FBXL3: variants seen among roughly 807,000 people sequenced by gnomAD.
The protein encoded by FBXL3 is F-box and leucine rich repeat protein 3, also known as F-box/LRR-repeat protein 3.
A neutral mutation model predicts 37.9 loss-of-function variants in FBXL3; 14 were observed. The ratio of observed to expected loss-of-function variants is 0.37; its 90% CI spans 0.24 to 0.58. The LOEUF (loss-of-function observed/expected upper bound fraction) is 0.58, where lower values mean the gene tolerates loss of function less well. Ranked by LOEUF, FBXL3 falls within the 20% of genes least tolerant of loss-of-function variation. FBXL3 has a pLI of 0.74. For synonymous variants in FBXL3, 194 were observed against 180.1 expected, an observed-to-expected ratio of 1.08 and a Z score of -0.62; for missense variants, 327 against 511.1, an observed-to-expected ratio of 0.64 and a Z score of 3.47.
In FBXL3 at chr13:77,005,271, CTT is replaced by C. The variant is rs1394061157; in HGVS notation, c.*1872_*1873del. On this transcript the variant is annotated 3_prime_UTR_variant, in exon 5 of 5. Coordinates refer to ENST00000355619, the MANE Select transcript of FBXL3 (RefSeq NM_012158.4). ...AAGTAAAATACAACAGCATTAGTAA[CTT>C]TTTATTCTCAAAGTGATAAAAGCAT... The C allele has an allele frequency of 7.2e-5, 11 of 152,440 alleles. No individual in the cohort carries two copies. Among genetic ancestry groups the C allele is most frequent in the Admixed American group, 6.5e-4 (10 of 15,272 alleles). The allele number at this position is 152,440 out of a possible 1,614,324, so 9.4% of individuals were successfully genotyped here.
At chr13:77,017,532 T>A (rs1037176015) in intron 3 of FBXL3, 2 of 152,074 alleles carry the variant, frequency 1.3e-5, no homozygotes, top group Non-Finnish European at 2.9e-5. Flanking sequence ...TCACCCCGAA[T>A]TTGAAAAAGG....
chr13:77,007,542 T>C lies in FBXL3; in HGVS notation c.890A>G (p.Glu297Gly). ...GCGAAAGAAGGGGTCAAATTCTTCT[T>C]CATATAAAAAAAAATACATCACTAA... is the stretch of plus-strand genomic sequence containing the variant. ...VNLVMYFFLYEEEFDPFFRYE... is the reference protein window; with the variant it reads ...VNLVMYFFLYGEEFDPFFRYE... Residue 297 changes from glutamate (E) to glycine (G), a missense_variant, in exon 5 of 5, where the codon GAA becomes GGA. Coordinates refer to ENST00000355619, the MANE Select transcript of FBXL3 (RefSeq NM_012158.4). 1 of 1,614,066 alleles carries C rather than the reference T, an allele frequency of 6.2e-7. No homozygotes were observed. Among genetic ancestry groups the C allele is most frequent in the Non-Finnish European group, 8.5e-7 (1 of 1,180,000 alleles).
chr13:77,015,522 A>G lies in FBXL3; in HGVS notation c.530T>C (p.Leu177Pro). 6.2e-7 allele frequency: 1 copy of G among 1,606,700 alleles called. No homozygotes were observed. Among genetic ancestry groups the G allele is most frequent in the Non-Finnish European group, 8.5e-7 (1 of 1,176,386 alleles). Residue 177 changes from leucine to proline, a missense_variant, in exon 4 of 5, where the codon CTT becomes CCT. Coordinates refer to ENST00000355619, the MANE Select transcript of FBXL3 (RefSeq NM_012158.4). ...ATCTACTGGAGTATCATCTATCTTA[A>G]GCGAAGACAGGGATTTGGAGTTTAC... is the stretch of plus-strand genomic sequence containing the variant. The part of the protein sequence containing the change: ...VFVNSKSLSS[L>P]KIDDTPVDDP...
At chr13:77,018,762 ATT>A in intron 2 of FBXL3, 40 bp from the exon 3 acceptor site, 1 of 1,479,676 alleles carries the variant, frequency 6.8e-7, no homozygotes, top group Admixed American at 2.5e-5. Flanking sequence ...ATATTTTATT[ATT>A]TTTTTACTTT....
intron 4 of FBXL3, among the ~76,000 whole-genome samples, chr13:77,012,515 A>G (rs1056092035): frequency 1.3e-5 from 2 of 152,218 alleles, no homozygotes; most frequent in Non-Finnish European, 2.9e-5. Context: ...AAGTAACTAA[A>G]TGTTCATTAG....
intron 1 of FBXL3, 92 bp downstream of exon 1, chr13:77,026,733 ACC>A (rs1566234674): frequency 7.1e-4 from 4 of 5,598 alleles, no homozygotes; most frequent in South Asian, 5.1e-3. Context: ...GCCCCCCCCC[ACC>A]CCACCCCACC....
At chr13:77,014,618 T>C (rs1410051923) in intron 4 of FBXL3, 1 of 152,168 alleles carries the variant, frequency 6.6e-6, no homozygotes. Flanking sequence ...GGCTGACCTT[T>C]GGCAATGGCA....
intron 1 of FBXL3, among the ~76,000 whole-genome samples, chr13:77,025,970 C>A (rs950671241): frequency 6.6e-6 from 1 of 152,048 alleles, no homozygotes; most frequent in African/African-American, 2.4e-5. Context: ...GCTTAGAGAG[C>A]GCACAGTGGC....
At chr13:77,022,380 AG>A (rs1380234504) in intron 1 of FBXL3, among the ~76,000 whole-genome samples, 1 of 152,310 alleles carries the variant, frequency 6.6e-6, no homozygotes, top group South Asian at 2.1e-4. Context: ...GCCCCATAGC[AG>A]GAAGTGAGCA....
intron 2 of FBXL3, 150 bp downstream of exon 2, chr13:77,021,363 T>C (rs2034740666): frequency 7.7e-6 from 4 of 519,706 alleles, no homozygotes; most frequent in Non-Finnish European, 9.9e-6. Context: ...TAATATTTTG[T>C]GACAGCTTCT....
intron 2 of FBXL3, 167 bp from the exon 3 acceptor site, chr13:77,018,889 T>C (rs939244319): frequency 1.8e-6 from 1 of 567,376 alleles, no homozygotes; most frequent in Non-Finnish European, 2.7e-6. Flanking sequence ...ACTTAAAGAA[T>C]ATTCTTTCAA....
At chr13:77,008,073 C>G (rs988020373) in intron 4 of FBXL3, among the ~76,000 whole-genome samples, 17 of 152,278 alleles carry the variant, frequency 1.1e-4, no homozygotes, top group African/African-American at 4.1e-4. Context: ...AAGGTTAGGG[C>G]ATTCCAGTAA....
At chr13:77,023,390 G>A (rs2034782052) in intron 1 of FBXL3, among the ~76,000 whole-genome samples, 1 of 152,068 alleles carries the variant, frequency 6.6e-6, no homozygotes, top group African/African-American at 2.4e-5. Context: ...GACAGGGCAA[G>A]TGAGCTTGTG....
Position 77,018,637 on chromosome 13 carries a change from A to G in FBXL3, c.434T>C (p.Ile145Thr), listed in dbSNP as rs370379122. 68 of 1,597,836 alleles carry G rather than the reference A, an allele frequency of 4.3e-5. No homozygotes were observed. Among genetic ancestry groups the G allele is most frequent in the Non-Finnish European group, 5.5e-5 (64 of 1,173,356 alleles). Residue 145 changes from isoleucine (I) to threonine (T), a missense_variant, in exon 3 of 5, where the codon ATT (isoleucine) becomes ACT (threonine). Transcript: ENST00000355619. ...CATAAAGCTTGGTCGAGCAGTTGAA[A>G]TAAGTCCAAGTGTTTTTAAAGAGCA... ...VNCSLKTLGL[I>T]STARPSFMDL...
Position 77,005,961 on chromosome 13 carries a change from C to T in FBXL3, c.*1184G>A, listed in dbSNP as rs767380321. ...GAAAGTAATATAAAATGTTACCTAA[C>T]TTAAATAATATAAAATATCGGTTTA... is the stretch of plus-strand genomic sequence containing the variant. On this transcript the variant is annotated 3_prime_UTR_variant, in exon 5 of 5. Transcript: ENST00000355619. 1 of 152,526 alleles carries T rather than the reference C, an allele frequency of 6.6e-6. No homozygotes were observed. Among genetic ancestry groups the T allele is most frequent in the East Asian group, 1.9e-4 (1 of 5,204 alleles). 9.4% of individuals were successfully genotyped at this position (152,526 alleles called of 1,614,324 possible). A position where few individuals can be genotyped will look rare whatever the true frequency, so the allele number is the denominator to read the frequency against.
chr13:77,012,108 T>C (rs1007751401), intron 4 of FBXL3, among the ~76,000 whole-genome samples: 2 of 152,178 alleles, frequency 1.3e-5, no homozygotes, highest in African/African-American at 2.4e-5. Context: ...GGATGGAGGT[T>C]TTGGGGGCAA....
intron 3 of FBXL3, chr13:77,017,254 A>G (rs2034659893): frequency 6.6e-6 from 1 of 152,174 alleles, no homozygotes; most frequent in Admixed American, 6.6e-5. Context: ...TTAGTACTAG[A>G]TATATGCATA....
rs536689356 is a variant in FBXL3 at position 77,016,322 on chromosome 13, A to G, written c.472-742T>C. 2.0e-5 allele frequency: 3 copies of G among 152,352 alleles called. 1 individual carries two copies. The highest frequency in any genetic ancestry group is 7.2e-5 in the African/African-American group (3 of 41,582). The allele number at this position is 152,352 out of a possible 1,614,324, so 9.4% of individuals were successfully genotyped here. A position where few individuals can be genotyped will look rare whatever the true frequency, so the allele number is the denominator to read the frequency against. On this transcript the variant is annotated intron_variant, in intron 3 of 4. Transcript: ENST00000355619. Reference sequence around the variant, plus strand: ...GAATCAATGTAGGCAAACAGGAATTAAAGCATTCTCAAAGTATGCAGCTCT... The same window carrying G: ...GAATCAATGTAGGCAAACAGGAATTGAAGCATTCTCAAAGTATGCAGCTCT...
intron 4 of FBXL3, among the ~76,000 whole-genome samples, chr13:77,012,410 G>C (rs942969548): frequency 6.6e-6 from 1 of 151,952 alleles, no homozygotes; most frequent in Non-Finnish European, 1.5e-5. Context: ...CAAGCAAACT[G>C]CTATAAGCCA....
Sources: allele counts gnomAD v4.1 joint callset (sites outside exome capture counted in the v4.1 genomes callset), GRCh38; gene constraint gnomAD v4.1.1; transcripts MANE v1.5; gene names NCBI Gene and HGNC (gene_info 2026-07-23, HGNC 2026-07-21).